NTNG2: variants seen among roughly 807,000 people sequenced by gnomAD.
NTNG2 encodes the protein netrin G2, also known as netrin-G2.
Under a neutral mutation model 47.6 loss-of-function variants are expected in NTNG2, and 15 were observed. The ratio of observed to expected loss-of-function variants is 0.32; its 90% CI spans 0.21 to 0.49. NTNG2 has a LOEUF of 0.49. NTNG2 is among the 20% of genes least tolerant of loss of function. The probability of loss-of-function intolerance (pLI) is 0.99; values close to 1 mark genes in which losing one functional copy is unlikely to be tolerated. For synonymous variants in NTNG2, 307 were observed against 324.6 expected (o/e 0.95, Z 0.58); for missense variants, 578 against 764.6 (o/e 0.76, Z 2.88).
At chr9:132,219,220 C>CA (rs372778486) in intron 3 of NTNG2, among the ~76,000 whole-genome samples, 510 of 88,616 alleles carry the variant, frequency 5.8e-3, no homozygotes, top group African/African-American at 0.018. Context: ...TGTCTCAAAA[C>CA]AAAAAAAAAA....
In NTNG2 at chr9:132,224,586, C is replaced by T. The variant is rs185314800; in HGVS notation, c.858-2263C>T. Among the ~76,000 whole-genome samples the T allele has an allele frequency of 5.3e-3, 810 of 152,254 alleles. 2 individuals carry two copies. Among genetic ancestry groups the T allele is most frequent in the Admixed American group, 0.011 (172 of 15,294 alleles). On this transcript the variant is annotated intron_variant, in intron 3 of 7. Transcript: ENST00000393229. The stretch of plus-strand genomic sequence containing the variant: ...ATACTCACTGTTCCCAGCTCAGAGC[C>T]CCTGCCACATAACAGGTGCCTGATA...
At chr9:132,224,737 T>C (rs1840607431) in intron 3 of NTNG2, among the ~76,000 whole-genome samples, 1 of 152,216 alleles carries the variant, frequency 6.6e-6, no homozygotes, top group Non-Finnish European at 1.5e-5. Context: ...TAGAGCACAC[T>C]CTGTCTCTCT....
At position 132,242,106 on chromosome 9, in the gene NTNG2, C is replaced by T; in HGVS notation, c.1588C>T (p.Arg530Cys). 1 of 1,139,034 alleles carries T rather than the reference C, an allele frequency of 8.8e-7. No individual in the cohort carries two copies. The highest frequency in any genetic ancestry group is 1.1e-6 in the Non-Finnish European group (1 of 930,180). The allele number at this position is 1,139,034 out of a possible 1,614,324, so 70.6% of individuals were successfully genotyped here. Residue 530 changes from arginine to cysteine, a missense_variant, in exon 8 of 8, where the codon CGC (arginine) becomes TGC (cysteine). By Grantham distance (180) the Arg-to-Cys change is radical (BLOSUM62 -3). Coordinates refer to ENST00000393229, the MANE Select transcript of NTNG2 (RefSeq NM_032536.4). The surrounding 1 kb of genome is among the most constrained non-coding windows in gnomAD (Gnocchi z 5.9). ...LLLGLAARLGR is the reference protein window; with the variant it reads ...LLLGLAARLGC ...GCTGGGGCTGGCCGCCCGCCTGGGC[C>T]GCTGAGCCCCGCCCGGAGGACGCTC...
chr9:132,235,239 G>C (rs17385973), intron 5 of NTNG2, among the ~76,000 whole-genome samples: 5,060 of 152,316 alleles, frequency 0.033, 146 homozygotes, highest in Admixed American at 0.093. Context: ...TAAGATCTTG[G>C]CCGGAACACA....
At chr9:132,183,698 C>T (rs2131372077) in intron 2 of NTNG2, among the ~76,000 whole-genome samples, 1 of 152,346 alleles carries the variant, frequency 6.6e-6, no homozygotes, top group Non-Finnish European at 1.5e-5. Context: ...GCATCTGGCT[C>T]AGGGGCTCTT....
At chr9:132,178,713 G>A (rs1025894181) in intron 2 of NTNG2, among the ~76,000 whole-genome samples, 6 of 151,490 alleles carry the variant, frequency 4.0e-5, no homozygotes, top group Non-Finnish European at 7.4e-5. Flanking sequence ...GGCTGAGGCG[G>A]GCGGATTGTC....
chr9:132,198,812 T>C (rs1201355095), intron 3 of NTNG2, among the ~76,000 whole-genome samples: 1 of 152,026 alleles, frequency 6.6e-6, no homozygotes, highest in Non-Finnish European at 1.5e-5. Flanking sequence ...TGATACATCG[T>C]TACCTGGTTC....
rs139239505 is a variant in NTNG2, at chr9:132,226,912, C to T, written c.921C>T (p.Cys307=). 346 of 1,612,740 alleles carry T rather than the reference C, an allele frequency of 2.1e-4. 2 individuals are homozygous for T. The African/African-American group carries it at 3.7e-3, about 17-fold the overall frequency. ...SMREGSLQCE[C]EHNTTGPDCG... ...GCGAGGGCAGCCTGCAGTGCGAGTG[C>T]GAGCACAACACCACCGGCCCCGACT... Residue 307 remains cysteine, a synonymous_variant, in exon 4 of 8, where the codon TGC becomes TGT. Coordinates refer to ENST00000393229, the MANE Select transcript of NTNG2 (RefSeq NM_032536.4). The surrounding 1 kb of genome is among the most constrained non-coding windows in gnomAD (Gnocchi z 4.8).
At position 132,182,254 on chromosome 9, in the gene NTNG2, GA is replaced by G. The variant is rs372935848; in HGVS notation, c.213+15216del. Among the ~76,000 whole-genome samples, 1,049 of 152,344 alleles carry G rather than the reference GA, an allele frequency of 6.9e-3. 11 individuals carry two copies. Among genetic ancestry groups the G allele is most frequent in the African/African-American group, 0.024 (987 of 41,572 alleles). ...TTGTTTTTCTGGGGAAGGAGTGGGGGAAAAAATTGCACCCAACAATGGACAA... is the reference window on the plus strand; with the variant it reads ...TTGTTTTTCTGGGGAAGGAGTGGGGGAAAAATTGCACCCAACAATGGACAA... On this transcript the variant is annotated intron_variant, in intron 2 of 7. Coordinates refer to ENST00000393229, the MANE Select transcript of NTNG2 (RefSeq NM_032536.4). The surrounding 1 kb of genome is among the most constrained non-coding windows in gnomAD (Gnocchi z 4.2).
At chr9:132,237,965 T>C (rs1841745550) in intron 5 of NTNG2, among the ~76,000 whole-genome samples, 1 of 152,162 alleles carries the variant, frequency 6.6e-6, no homozygotes, top group Non-Finnish European at 1.5e-5. Context: ...GTGCCCACCA[T>C]CTCTCCTGGG....
At chr9:132,193,336 C>T (rs989962127) in intron 2 of NTNG2, among the ~76,000 whole-genome samples, 7 of 152,166 alleles carry the variant, frequency 4.6e-5, no homozygotes, top group African/African-American at 1.7e-4. Flanking sequence ...GGCCTCACTA[C>T]ACTGTCCCCA....
intron 2 of NTNG2, among the ~76,000 whole-genome samples, chr9:132,178,807 T>G (rs1836694587): frequency 7.4e-6 from 1 of 135,690 alleles, no homozygotes; most frequent in Non-Finnish European, 1.6e-5. Context: ...AAAAAAAAAA[T>G]TAGCTGGGTG....
chr9:132,226,221 C>A lies in NTNG2; in HGVS notation c.858-628C>A, dbSNP rs533781708. Among the ~76,000 whole-genome samples, 3 of 152,348 alleles carry A rather than the reference C, an allele frequency of 2.0e-5. No individual in the cohort carries two copies. The highest frequency in any genetic ancestry group is 7.2e-5 in the African/African-American group (3 of 41,578). On this transcript the variant is annotated intron_variant, in intron 3 of 7. Transcript: ENST00000393229. This position sits in a 1 kb window ranked among gnomAD's most constrained non-coding sequence, Gnocchi z 4.8. ...GGACAGGCAGGATAAATGCTTGATT[C>A]TTTCCCTTTATTTACCAGTTTTCAG...
chr9:132,242,044 C>A lies in NTNG2; in HGVS notation c.1526C>A (p.Ala509Asp). The change falls in exon 8 of 8, where the codon GCC (alanine) becomes GAC (aspartate). Residue 509 changes from alanine (A) to aspartate (D), a missense_variant. Physicochemically the swap from Ala to Asp is moderately radical, Grantham distance 126 (BLOSUM62 -2). Coordinates refer to ENST00000393229, the MANE Select transcript of NTNG2 (RefSeq NM_032536.4). The surrounding 1 kb of genome is among the most constrained non-coding windows in gnomAD (Gnocchi z 5.9). ...GLDCDRAPGA[A>D]PRPATLLGCL... ...GACTGCGACCGCGCGCCCGGGGCCG[C>A]CCCGCGCCCCGCCACCCTGCTCGGC... 7.8e-7 allele frequency: 1 copy of A among 1,274,926 alleles called. No individual in the cohort carries two copies. The highest frequency in any genetic ancestry group is 9.9e-7 in the Non-Finnish European group (1 of 1,014,508). The allele number at this position is 1,274,926 out of a possible 1,614,324, so 79.0% of individuals were successfully genotyped here. A position where few individuals can be genotyped will look rare whatever the true frequency, so the allele number is the denominator to read the frequency against.
At chr9:132,164,152 A>G (rs1039660839) in intron 1 of NTNG2, among the ~76,000 whole-genome samples, 1 of 152,202 alleles carries the variant, frequency 6.6e-6, no homozygotes, top group African/African-American at 2.4e-5. Context: ...GATGCCAGCA[A>G]CGCCCAATTG....
chr9:132,198,651 A>T (rs1198785650), intron 3 of NTNG2, 42 bp downstream of exon 3: 1 of 1,574,988 alleles, frequency 6.3e-7, no homozygotes, highest in Admixed American at 1.7e-5. Context: ...GCAACCTGGG[A>T]TGCTATCTGT....
At chr9:132,172,722 ATTTTTTTTTTT>A (rs35406789) in intron 2 of NTNG2, among the ~76,000 whole-genome samples, 1 of 83,484 alleles carries the variant, frequency 1.2e-5, no homozygotes, top group Non-Finnish European at 2.2e-5. Context: ...TCAGGGCTGT[ATTTTTTTTTTT>A]TTTTTTTTTT....
rs572328800 is a variant in NTNG2, at chr9:132,174,609, G to A, written c.213+7565G>A. On this transcript the variant is annotated intron_variant, in intron 2 of 7. Transcript: ENST00000393229. ...AGGCGTGTGATGACCTCAGCTGGGAGCCAGCACAAAAGGAATGCTCAAAAA... is the reference window on the plus strand; with the variant it reads ...AGGCGTGTGATGACCTCAGCTGGGAACCAGCACAAAAGGAATGCTCAAAAA... Among the ~76,000 whole-genome samples the A allele has an allele frequency of 1.8e-3, 276 of 152,262 alleles. 1 individual carries two copies. Among genetic ancestry groups the A allele is most frequent in the African/African-American group, 6.2e-3 (258 of 41,562 alleles).
In NTNG2 at chr9:132,226,662, G is replaced by C. The variant is rs1397803065; in HGVS notation, c.858-187G>C. On this transcript the variant is annotated intron_variant, in intron 3 of 7. Coordinates refer to ENST00000393229, the MANE Select transcript of NTNG2 (RefSeq NM_032536.4). This position sits in a 1 kb window ranked among gnomAD's most constrained non-coding sequence, Gnocchi z 4.8. ...GGTGTGGCCTTTGGAACACGGCGTTGATCTCTCTGCAGGAAGGGGAATCAA... is the reference window on the plus strand; with the variant it reads ...GGTGTGGCCTTTGGAACACGGCGTTCATCTCTCTGCAGGAAGGGGAATCAA... Among the ~76,000 whole-genome samples, 3 of 152,246 alleles carry C rather than the reference G, an allele frequency of 2.0e-5. No homozygotes were observed. Among genetic ancestry groups the C allele is most frequent in the Non-Finnish European group, 4.4e-5 (3 of 68,036 alleles).
Sources: gnomAD v4.1 joint callset for allele counts (sites outside exome capture counted in the v4.1 genomes callset) on GRCh38, gnomAD v4.1.1 for gene constraint, Gnocchi (gnomAD v3.1) non-coding constraint, MANE v1.5 for transcripts, NCBI Gene and HGNC (gene_info 2026-07-23, HGNC 2026-07-21) for gene names.